Variants in RUNDC3B observed in about 807,000 individuals in gnomAD.
RUNDC3B encodes the protein RUN domain containing 3B.
In RUNDC3B, 33 loss-of-function variants were observed where a neutral mutation model predicts 58.4. The ratio of observed to expected loss-of-function variants is 0.56; its 90% CI spans 0.43 to 0.75. RUNDC3B has a LOEUF of 0.75. Among genes scored for constraint, RUNDC3B ranks in the 30% least tolerant of loss-of-function variants. RUNDC3B has a pLI of 0.00. For synonymous variants in RUNDC3B, 193 were observed against 195.2 expected (o/e 0.99, Z 0.10); for missense variants, 501 against 535.7 (o/e 0.94, Z 0.64).
At chr7:87,754,708 A>G (rs1408708000) in intron 6 of RUNDC3B, among the ~76,000 whole-genome samples, 2 of 152,102 alleles carry the variant, frequency 1.3e-5, no homozygotes, top group African/African-American at 4.8e-5. Context: ...AAAGAAGAAA[A>G]GAGAGAAGAT....
At chr7:87,794,449 CA>C (rs902172317) in intron 8 of RUNDC3B, among the ~76,000 whole-genome samples, 1 of 151,564 alleles carries the variant, frequency 6.6e-6, no homozygotes, top group Non-Finnish European at 1.5e-5. Context: ...CAAAACAGAA[CA>C]AAAAAACCTG....
intron 4 of RUNDC3B, among the ~76,000 whole-genome samples, chr7:87,736,854 C>CATATATAT (rs1831968992): frequency 1.8e-5 from 1 of 55,578 alleles, no homozygotes; most frequent in South Asian, 7.2e-4. Flanking sequence ...TATATATATA[C>CATATATAT]CTATATATAT....
intron 2 of RUNDC3B, chr7:87,693,970 TG>T: frequency 6.2e-7 from 1 of 1,611,618 alleles, no homozygotes. Flanking sequence ...TACTCTATGC[TG>T]GTGATGTCTC....
At chr7:87,735,873 T>C (rs1831895546) in intron 4 of RUNDC3B, among the ~76,000 whole-genome samples, 1 of 152,190 alleles carries the variant, frequency 6.6e-6, no homozygotes, top group Non-Finnish European at 1.5e-5. Context: ...TCCCCTAGAC[T>C]ATATGCTTCA....
At chr7:87,640,513 T>A (rs906031378) in intron 1 of RUNDC3B, among the ~76,000 whole-genome samples, 1 of 152,052 alleles carries the variant, frequency 6.6e-6, no homozygotes, top group Non-Finnish European at 1.5e-5. Flanking sequence ...CCAGCTAATT[T>A]TTTTTTTAAT....
At chr7:87,702,805 A>C (rs1475102633) in intron 3 of RUNDC3B, among the ~76,000 whole-genome samples, 1 of 152,174 alleles carries the variant, frequency 6.6e-6, no homozygotes, top group African/African-American at 2.4e-5. Context: ...ATGATGTTCA[A>C]AGAAAATGCT....
At chr7:87,715,704 G>A (rs1288637766) in intron 4 of RUNDC3B, among the ~76,000 whole-genome samples, 1 of 151,546 alleles carries the variant, frequency 6.6e-6, no homozygotes, top group African/African-American at 2.4e-5. Context: ...CACACTAGTT[G>A]TCTTGTTAGG....
At chr7:87,810,398 A>T (rs1392946517) in intron 9 of RUNDC3B, among the ~76,000 whole-genome samples, 1 of 152,204 alleles carries the variant, frequency 6.6e-6, no homozygotes, top group African/African-American at 2.4e-5. Context: ...GATTAGCTGA[A>T]TCTCAGCTGT....
At chr7:87,816,009 G>A in intron 9 of RUNDC3B, 132 bp from the exon 10 acceptor site, 1 of 641,740 alleles carries the variant, frequency 1.6e-6, no homozygotes, top group Non-Finnish European at 2.7e-6. Context: ...AGAATATGAA[G>A]CAAAATTTAG....
chr7:87,689,545 CTAATTAGCTAATTAT>C (rs1332590954), intron 2 of RUNDC3B, among the ~76,000 whole-genome samples: 3 of 152,080 alleles, frequency 2.0e-5, no homozygotes, highest in African/African-American at 4.8e-5. Context: ...TGCTAAATTA[CTAATTAGCTAATTAT>C]TAATTAGCTA....
intron 6 of RUNDC3B, among the ~76,000 whole-genome samples, chr7:87,767,302 C>T (rs566764843): frequency 6.6e-6 from 1 of 152,306 alleles, no homozygotes; most frequent in Admixed American, 6.5e-5. Flanking sequence ...TGTCAAAACA[C>T]TCTATCCTTT....
chr7:87,703,087 A>G (rs1829237369), intron 3 of RUNDC3B, among the ~76,000 whole-genome samples: 1 of 152,190 alleles, frequency 6.6e-6, no homozygotes, highest in African/African-American at 2.4e-5. Flanking sequence ...AGTAGAAAAT[A>G]AAGATTGAAA....
At chr7:87,813,852 G>T (rs1836867154) in intron 9 of RUNDC3B, among the ~76,000 whole-genome samples, 1 of 151,712 alleles carries the variant, frequency 6.6e-6, no homozygotes, top group Non-Finnish European at 1.5e-5. Flanking sequence ...GTGGTGGCAG[G>T]CGCCTGTAAT....
intron 6 of RUNDC3B, among the ~76,000 whole-genome samples, chr7:87,749,579 A>G (rs1832842500): frequency 6.6e-6 from 1 of 152,170 alleles, no homozygotes; most frequent in Non-Finnish European, 1.5e-5. Flanking sequence ...TTACAAATCA[A>G]ATCGCATCCA....
intron 6 of RUNDC3B, among the ~76,000 whole-genome samples, chr7:87,756,603 T>A (rs529383628): frequency 6.6e-6 from 1 of 152,130 alleles, no homozygotes; most frequent in African/African-American, 2.4e-5. Context: ...ATATGAAAAA[T>A]TTTTATATTC....
intron 8 of RUNDC3B, among the ~76,000 whole-genome samples, chr7:87,788,046 A>G (rs574237136): frequency 6.6e-6 from 1 of 152,308 alleles, no homozygotes; most frequent in Non-Finnish European, 1.5e-5. Context: ...TGTAACTGTA[A>G]TTCTTTTTGT....
chr7:87,659,497 T>C (rs1215912258), intron 2 of RUNDC3B, among the ~76,000 whole-genome samples: 1 of 152,172 alleles, frequency 6.6e-6, no homozygotes, highest in Non-Finnish European at 1.5e-5. Flanking sequence ...ACCCTGTGTG[T>C]GTAGCATAGT....
At chr7:87,790,037 T>G (rs567650206) in intron 8 of RUNDC3B, among the ~76,000 whole-genome samples, 1 of 152,086 alleles carries the variant, frequency 6.6e-6, no homozygotes, top group Non-Finnish European at 1.5e-5. Flanking sequence ...TGAACATAGG[T>G]GGTAGTCTGG....
chr7:87,705,755 A>G (rs772001231), intron 3 of RUNDC3B, among the ~76,000 whole-genome samples: 4 of 152,158 alleles, frequency 2.6e-5, no homozygotes, highest in Admixed American at 2.0e-4. Context: ...CATCTTCCGC[A>G]TCTGCTCTTG....
Sources: gnomAD v4.1 joint callset for allele counts (sites outside exome capture counted in the v4.1 genomes callset) on GRCh38, gnomAD v4.1.1 for gene constraint, MANE v1.5 for transcripts, NCBI Gene and HGNC (gene_info 2026-07-23, HGNC 2026-07-21) for gene names.